Variants in CEP120 observed in about 807,000 individuals in gnomAD.
CEP120 encodes the protein centrosomal protein of 120 kDa.
A neutral mutation model predicts 126.5 loss-of-function variants in CEP120; 113 were observed. The ratio of observed to expected loss-of-function variants is 0.89; its 90% CI spans 0.77 to 1.04. The LOEUF (loss-of-function observed/expected upper bound fraction) is 1.04. Among genes scored for constraint, CEP120 ranks in the 50% least tolerant of loss-of-function variants. The pLI is 0.00. For missense variants in CEP120, 1,230 were observed against 1,155.7 expected (o/e 1.06, Z -0.93); for synonymous variants, 400 against 394.3 (o/e 1.01, Z -0.17).
chr5:123,397,189 T>C (rs1337124737), intron 5 of CEP120, among the ~76,000 whole-genome samples: 1 of 152,144 alleles, frequency 6.6e-6, no homozygotes, highest in Non-Finnish European at 1.5e-5. Context: ...CCAGGTGTGA[T>C]GGCAGGTGCC....
chr5:123,350,924 A>G (rs1403278822), intron 18 of CEP120, among the ~76,000 whole-genome samples: 1 of 152,216 alleles, frequency 6.6e-6, no homozygotes. Flanking sequence ...TACTACAAAC[A>G]ATGCTGTAAT....
intron 18 of CEP120, among the ~76,000 whole-genome samples, chr5:123,355,387 T>C (rs1194913337): frequency 6.6e-6 from 1 of 152,190 alleles, no homozygotes; most frequent in South Asian, 2.1e-4. Flanking sequence ...GATGAACTAG[T>C]TTACAGTCCC....
chr5:123,420,344 T>C lies in CEP120; in HGVS notation c.50-1829A>G, dbSNP rs1354812942. Among the ~76,000 whole-genome samples, 7 of 152,244 alleles carry C rather than the reference T, an allele frequency of 4.6e-5. No homozygotes were observed. The East Asian group carries it at 1.4e-3, about 29-fold the overall frequency. On this transcript the variant is annotated intron_variant, in intron 1 of 19. Transcript: ENST00000306467. ...GACAATGATACAGAGATAACAGAAA[T>C]GGTCTTTTTCATCCTTGGAATCTAG...
intron 1 of CEP120, among the ~76,000 whole-genome samples, chr5:123,420,280 A>G (rs1774637143): frequency 6.6e-6 from 1 of 152,220 alleles, no homozygotes; most frequent in African/African-American, 2.4e-5. Context: ...TTGAGAACAG[A>G]GGATGTGAAG....
chr5:123,368,732 A>G (rs1346517), intron 17 of CEP120, among the ~76,000 whole-genome samples: 108,558 of 151,650 alleles, frequency 0.72, 38,990 homozygotes, highest in African/African-American at 0.75. Flanking sequence ...CCATAATATC[A>G]AAAGATTATT....
intron 16 of CEP120, among the ~76,000 whole-genome samples, chr5:123,375,947 T>C (rs10519723): frequency 0.19 from 28,558 of 151,836 alleles, 3,146 homozygotes; most frequent in Middle Eastern, 0.26. Context: ...CTAATCTACA[T>C]TGGAATTTTT....
chr5:123,356,839 G>A (rs932298956), intron 18 of CEP120, among the ~76,000 whole-genome samples: 6 of 151,848 alleles, frequency 4.0e-5, no homozygotes, highest in African/African-American at 1.2e-4. Context: ...TGTTATTGTT[G>A]TTTTCCTACA....
In CEP120 at chr5:123,383,091, A is replaced by G. The variant is rs369212214; in HGVS notation, c.1764-9T>C. ...CTATCCTGTTATTTGATCTACAAATAAAATAAGAAATACCTTAAAATTCAC... is the reference window on the plus strand; with the variant it reads ...CTATCCTGTTATTTGATCTACAAATGAAATAAGAAATACCTTAAAATTCAC... On this transcript the variant is annotated splice_polypyrimidine_tract_variant and intron_variant, in intron 11 of 19. Transcript: ENST00000306467. 3.7e-5 allele frequency: 50 copies of G among 1,364,062 alleles called. No homozygotes were observed. The African/African-American group carries it at 5.4e-4, about 15-fold the overall frequency. The allele number at this position is 1,364,062 out of a possible 1,614,324, so 84.5% of individuals were successfully genotyped here.
intron 4 of CEP120, chr5:123,403,679 A>G (rs1773436942): frequency 2.5e-6 from 1 of 406,270 alleles, no homozygotes; most frequent in African/African-American, 2.1e-5. Context: ...AGGACAAATC[A>G]AAATTGTGCA....
At chr5:123,362,239 T>C (rs532417201) in intron 18 of CEP120, among the ~76,000 whole-genome samples, 1 of 151,858 alleles carries the variant, frequency 6.6e-6, no homozygotes, top group South Asian at 2.1e-4. Flanking sequence ...CTCTTGTCAA[T>C]GATGGCATTT....
chr5:123,377,354 T>C lies in CEP120; in HGVS notation c.2358+20A>G, dbSNP rs139462181. ...TGCAAATAAACTAAGCATAAAAAGA[T>C]GACAAGTACGTTATCCAACCTGTTG... On this transcript the variant is annotated intron_variant, in intron 16 of 19. Transcript: ENST00000306467. 2.9e-4 allele frequency: 469 copies of C among 1,596,666 alleles called. 2 individuals are homozygous for C. In the African/African-American group the frequency reaches 5.9e-3, roughly 20 times the overall value.
At chr5:123,384,928 A>G (rs370715920) in intron 11 of CEP120, 23 bp downstream of exon 11, 35 of 1,562,664 alleles carry the variant, frequency 2.2e-5, no homozygotes, top group Non-Finnish European at 2.9e-5. Context: ...AAAAGCAAAT[A>G]CCAATTCTGT....
intron 10 of CEP120, among the ~76,000 whole-genome samples, chr5:123,386,069 T>A (rs554475363): frequency 6.6e-6 from 1 of 152,166 alleles, no homozygotes; most frequent in Non-Finnish European, 1.5e-5. Flanking sequence ...GATCTCAGAT[T>A]TTTTCATGAA....
At chr5:123,378,489 A>C in intron 14 of CEP120, 61 bp from the exon 15 acceptor site, 1 of 964,688 alleles carries the variant, frequency 1.0e-6, no homozygotes. Context: ...CTTAAAACAC[A>C]CACAAATTCA....
At chr5:123,347,016 T>C (rs1768869371) in intron 19 of CEP120, among the ~76,000 whole-genome samples, 1 of 152,134 alleles carries the variant, frequency 6.6e-6, no homozygotes, top group African/African-American at 2.4e-5. Context: ...ACATGAAAAC[T>C]AGATATTTTG....
At chr5:123,365,728 A>G (rs1770410143) in intron 17 of CEP120, among the ~76,000 whole-genome samples, 1 of 151,630 alleles carries the variant, frequency 6.6e-6, no homozygotes, top group Non-Finnish European at 1.5e-5. Flanking sequence ...AAAGATGTAT[A>G]CCTACTACTT....
At chr5:123,353,061 TA>T (rs1440982484) in intron 18 of CEP120, among the ~76,000 whole-genome samples, 1 of 152,004 alleles carries the variant, frequency 6.6e-6, no homozygotes, top group African/African-American at 2.4e-5. Flanking sequence ...TATCTGCAAA[TA>T]AGGGTAGTTT....
chr5:123,406,189 C>G (rs187895615), intron 4 of CEP120, among the ~76,000 whole-genome samples: 1 of 148,452 alleles, frequency 6.7e-6, no homozygotes, highest in Non-Finnish European at 1.5e-5. Context: ...AAAAAAAAAA[C>G]CACAGAACAG....
intron 4 of CEP120, among the ~76,000 whole-genome samples, chr5:123,407,969 AT>A (rs1008709231): frequency 1.3e-5 from 2 of 152,226 alleles, no homozygotes; most frequent in African/African-American, 4.8e-5. Flanking sequence ...TTAAAAAAAA[AT>A]CTCAAGAGAA....
Sources: gnomAD v4.1 joint callset for allele counts (sites outside exome capture counted in the v4.1 genomes callset) on GRCh38, gnomAD v4.1.1 for gene constraint, MANE v1.5 for transcripts, NCBI Gene and HGNC (gene_info 2026-07-23, HGNC 2026-07-21) for gene names.